Variants in BROX observed in about 807,000 individuals in gnomAD.
BROX encodes BRO1 domain and CAAX motif containing.
BROX carries 53 observed loss-of-function variants against 61.0 expected under a neutral mutation model. That is an observed-to-expected ratio of 0.87 (90% CI 0.70 to 1.09). The LOEUF (loss-of-function observed/expected upper bound fraction) is 1.09. BROX is among the 50% of genes least tolerant of loss of function. The probability of loss-of-function intolerance (pLI) is 0.00; values close to 1 mark genes in which losing one functional copy is unlikely to be tolerated. For missense variants in BROX, 489 were observed against 472.0 expected (o/e 1.04, Z -0.33); for synonymous variants, 152 against 160.2 (o/e 0.95, Z 0.38).
At chr1:222,718,825 G>T (rs532121963) in intron 2 of BROX, 100 bp from the exon 3 acceptor site, 4 of 867,474 alleles carry the variant, frequency 4.6e-6, no homozygotes, top group Non-Finnish European at 5.8e-6. Context: ...GTGTGTATGT[G>T]TGTGTGTTTT....
Position 222,729,706 on chromosome 1 carries a change from G to A in BROX, c.838+5G>A, listed in dbSNP as rs1460181746. Reference sequence around the variant, plus strand: ...CTCTCCAAGAAGCAGAAAAATGTAAGTTTTCCTGCCAGAATATTAACTCCC... The same window carrying A: ...CTCTCCAAGAAGCAGAAAAATGTAAATTTTCCTGCCAGAATATTAACTCCC... On this transcript the variant is annotated splice_donor_5th_base_variant and intron_variant, in intron 10 of 12. Coordinates refer to ENST00000340934, the MANE Select transcript of BROX (RefSeq NM_144695.4). The A allele has an allele frequency of 6.2e-7, 1 of 1,606,502 alleles. No individual in the cohort carries two copies.
chr1:222,732,435 C>T (rs1986348), intron 12 of BROX, among the ~76,000 whole-genome samples, 193 bp from the exon 13 acceptor site: 6,978 of 152,164 alleles, frequency 0.046, 204 homozygotes, highest in East Asian at 0.13. Context: ...ACTAGGTTTT[C>T]ATCTCTACTG....
At position 222,722,533 on chromosome 1, in the gene BROX, A is replaced by T. The variant is rs768198016; in HGVS notation, c.401+19A>T. 1.1e-5 allele frequency: 17 copies of T among 1,503,704 alleles called. No individual in the cohort carries two copies. The highest frequency in any genetic ancestry group is 1.5e-5 in the Non-Finnish European group (16 of 1,080,998). 93.1% of individuals were successfully genotyped at this position (1,503,704 alleles called of 1,614,324 possible). ...AAGAAAAGTAAGTTAATAGGAGAGG[A>T]TTGTGTACATCTGTGTTATTTTTCA... On this transcript the variant is annotated intron_variant, in intron 5 of 12. Coordinates refer to ENST00000340934, the MANE Select transcript of BROX (RefSeq NM_144695.4).
chr1:222,722,606 C>T, intron 5 of BROX, 92 bp downstream of exon 5: 1 of 904,200 alleles, frequency 1.1e-6, no homozygotes, highest in East Asian at 2.7e-5. Context: ...AAAAGTACCA[C>T]TTTGGATGTT....
At chr1:222,729,525 T>C (rs991461023) in intron 9 of BROX, 95 bp from the exon 10 acceptor site, 3 of 856,846 alleles carry the variant, frequency 3.5e-6, no homozygotes, top group South Asian at 3.1e-5. Flanking sequence ...TACTTCAGTG[T>C]ATGAAGGTAC....
At chr1:222,723,691 G>C (rs2125020659) in intron 5 of BROX, among the ~76,000 whole-genome samples, 1 of 152,152 alleles carries the variant, frequency 6.6e-6, no homozygotes, top group African/African-American at 2.4e-5. Flanking sequence ...TTTGGTGGCG[G>C]GGGGATGGAG....
chr1:222,712,727 G>T lies in BROX; in HGVS notation c.-232G>T. 1 of 1,290,694 alleles carries T rather than the reference G, an allele frequency of 7.7e-7. No individual in the cohort carries two copies. Among genetic ancestry groups the T allele is most frequent in the Non-Finnish European group, 1.0e-6 (1 of 989,796 alleles). 80.0% of individuals were successfully genotyped at this position (1,290,694 alleles called of 1,614,324 possible). On this transcript the variant is annotated 5_prime_UTR_variant, in exon 1 of 13. Transcript: ENST00000340934. ...CGAAGCGTTTTGAGGGGACTGCAAC[G>T]CCGCGGCAATACCCGCCCCTGAGCT... is the stretch of plus-strand genomic sequence containing the variant.
Position 222,712,682 on chromosome 1 carries a change from A to G in BROX, c.-277A>G, listed in dbSNP as rs1017167311. ...AGCTCAAAAGGAAGGCCGAGGGAGA[A>G]GTTAGAAAGGGATGATGAACGAAGC... On this transcript the variant is annotated 5_prime_UTR_variant, in exon 1 of 13. Coordinates refer to ENST00000340934, the MANE Select transcript of BROX (RefSeq NM_144695.4). The G allele has an allele frequency of 1.6e-5, 21 of 1,295,452 alleles. No homozygotes were observed. The Admixed American group carries it at 4.6e-4, about 28-fold the overall frequency. 80.2% of individuals were successfully genotyped at this position (1,295,452 alleles called of 1,614,324 possible).
intron 2 of BROX, among the ~76,000 whole-genome samples, chr1:222,718,607 CTT>C (rs72102042): frequency 0.06 from 9,153 of 152,142 alleles, 394 homozygotes; most frequent in East Asian, 0.13. Flanking sequence ...TTAATTAAAA[CTT>C]GACATATATT....
rs552450032 is a variant in BROX at position 222,731,613 on chromosome 1, C to T, written c.1149+97C>T. 21 of 1,302,552 alleles carry T rather than the reference C, an allele frequency of 1.6e-5. No individual in the cohort carries two copies. In the East Asian group the frequency reaches 3.4e-4, roughly 21 times the overall value. The allele number at this position is 1,302,552 out of a possible 1,614,324, so 80.7% of individuals were successfully genotyped here. ...TATTTTTCTCTAAATAGATACATATCTTTGTCTAAATGTTAAGTTAGCTAG... is the reference window on the plus strand; with the variant it reads ...TATTTTTCTCTAAATAGATACATATTTTTGTCTAAATGTTAAGTTAGCTAG... On this transcript the variant is annotated intron_variant, in intron 12 of 12. Transcript: ENST00000340934.
At chr1:222,731,230 C>G (rs560672766) in intron 11 of BROX, 127 bp from the exon 12 acceptor site, 2 of 760,816 alleles carry the variant, frequency 2.6e-6, no homozygotes, top group East Asian at 6.5e-5. Context: ...TTTTCACTTT[C>G]CTACATAAGG....
At position 222,712,928 on chromosome 1, in the gene BROX, ACT is replaced by A. The variant is rs1209168567; in HGVS notation, c.-28_-27del. 3.4e-6 allele frequency: 4 copies of A among 1,184,252 alleles called. No homozygotes were observed. The South Asian group carries it at 4.7e-5, about 14-fold the overall frequency. 73.4% of individuals were successfully genotyped at this position (1,184,252 alleles called of 1,614,324 possible). A position where few individuals can be genotyped will look rare whatever the true frequency, so the allele number is the denominator to read the frequency against. On this transcript the variant is annotated 5_prime_UTR_variant, in exon 1 of 13. Coordinates refer to ENST00000340934, the MANE Select transcript of BROX (RefSeq NM_144695.4). ...TTCCCTTAGAAGAACTGCTGAACCGACTCTGAGAAATTTGGTAAGTATGTCAG... is the reference window on the plus strand; with the variant it reads ...TTCCCTTAGAAGAACTGCTGAACCGACTGAGAAATTTGGTAAGTATGTCAG...
chr1:222,728,726 T>A lies in BROX; in HGVS notation c.671-17T>A. 1 of 1,538,032 alleles carries A rather than the reference T, an allele frequency of 6.5e-7. No individual in the cohort carries two copies. The highest frequency in any genetic ancestry group is 8.9e-7 in the Non-Finnish European group (1 of 1,121,886). On this transcript the variant is annotated splice_polypyrimidine_tract_variant and intron_variant, in intron 8 of 12. Coordinates refer to ENST00000340934, the MANE Select transcript of BROX (RefSeq NM_144695.4). ...TCAGGGCGAAATTATATTTTGCTTTTTAAAATGTAACTTTAGATCATACTT... is the reference window on the plus strand; with the variant it reads ...TCAGGGCGAAATTATATTTTGCTTTATAAAATGTAACTTTAGATCATACTT...
intron 4 of BROX, among the ~76,000 whole-genome samples, chr1:222,720,287 C>T (rs1656973579): frequency 6.6e-6 from 1 of 152,102 alleles, no homozygotes; most frequent in African/African-American, 2.4e-5. Context: ...CCTTCCTTGG[C>T]AATATTTTAT....
Position 222,726,686 on chromosome 1 carries a change from T to G in BROX, c.581-482T>G, listed in dbSNP as rs139800526. Among the ~76,000 whole-genome samples the G allele has an allele frequency of 1.6e-3, 247 of 151,234 alleles. 1 individual carries two copies. The highest frequency in any genetic ancestry group is 5.4e-3 in the African/African-American group (223 of 41,074). On this transcript the variant is annotated intron_variant, in intron 7 of 12. Coordinates refer to ENST00000340934, the MANE Select transcript of BROX (RefSeq NM_144695.4). ...GAGCCGAGATCGTGCCATTGCACTC[T>G]AGCGTGGTCAACAAGAGTAAAACTC...
chr1:222,725,536 T>C lies in BROX; in HGVS notation c.561T>C (p.Cys187=). The change falls in exon 7 of 13, where the codon TGT becomes TGC. Residue 187 remains cysteine (C), a synonymous_variant. Coordinates refer to ENST00000340934, the MANE Select transcript of BROX (RefSeq NM_144695.4). Reference sequence around the variant, plus strand: ...TCATAGAAGCATACGTTATTCAATGTCAGGCTGAAGCTCAAGAAGGTATCC... The same window carrying C: ...TCATAGAAGCATACGTTATTCAATGCCAGGCTGAAGCTCAAGAAGGTATCC... ...SRLIEAYVIQ[C]QAEAQEVTIA... is the part of the protein sequence containing the mutation. 6.2e-7 allele frequency: 1 copy of C among 1,607,692 alleles called. No individual in the cohort carries two copies. Among genetic ancestry groups the C allele is most frequent in the Middle Eastern group, 1.7e-4 (1 of 6,048 alleles).
In BROX at chr1:222,718,940, C is replaced by A. The variant is rs73124895; in HGVS notation, c.117C>A (p.Ser39=). 1,394 of 1,613,588 alleles carry A rather than the reference C, an allele frequency of 8.6e-4. 8 individuals are homozygous for A. In the African/African-American group the frequency reaches 0.017, roughly 19 times the overall value. Reference sequence around the variant, plus strand: ...CTCTTATAAGTGACTTGAGGTCATCCAGGGCACGACTCCTTGAACTGTTCA... The same window carrying A: ...CTCTTATAAGTGACTTGAGGTCATCAAGGGCACGACTCCTTGAACTGTTCA... ...ASKICNDLRS[S]RARLLELFTD... The change falls in exon 3 of 13, where the codon TCC becomes TCA. Residue 39 remains serine, a synonymous_variant. Transcript: ENST00000340934.
Position 222,713,474 on chromosome 1 carries a change from A to T in BROX, c.-17+532A>T, listed in dbSNP as rs1424827833. ...GTGGGGGTCCCTTGTTAGGAGCGGGAGTCCTCTTGTGGAAGTGTGTTAGCT... is the reference window on the plus strand; with the variant it reads ...GTGGGGGTCCCTTGTTAGGAGCGGGTGTCCTCTTGTGGAAGTGTGTTAGCT... On this transcript the variant is annotated intron_variant, in intron 1 of 12. Coordinates refer to ENST00000340934, the MANE Select transcript of BROX (RefSeq NM_144695.4). 9 of 975,626 alleles carry T rather than the reference A, an allele frequency of 9.2e-6. No individual in the cohort carries two copies. The South Asian group carries it at 3.3e-4, about 36-fold the overall frequency. The allele number at this position is 975,626 out of a possible 1,614,324, so 60.4% of individuals were successfully genotyped here.
rs768211641 is a variant in BROX at position 222,732,641 on chromosome 1, CAGA to C, written c.1172_1174del (p.Glu391del). On this transcript the variant is annotated inframe_deletion, in exon 13 of 13. Transcript: ENST00000340934. ...TTTTCTCCCTAGACTAAACCCAAAC[CAGA>C]AGAAGAAGTGAAACCTGTGAAAGAA... is the stretch of plus-strand genomic sequence containing the variant. The C allele has an allele frequency of 1.5e-5, 25 of 1,613,218 alleles. No individual in the cohort carries two copies. Among genetic ancestry groups the C allele is most frequent in the Middle Eastern group, 1.6e-4 (1 of 6,078 alleles).
Sources: allele counts gnomAD v4.1 joint callset (sites outside exome capture counted in the v4.1 genomes callset), GRCh38; gene constraint gnomAD v4.1.1; transcripts MANE v1.5; gene names NCBI Gene and HGNC (gene_info 2026-07-23, HGNC 2026-07-21).